Variants in PLSCR4 observed in about 807,000 individuals in gnomAD.
PLSCR4 encodes the protein Ca(2+)-dependent phospholipid scramblase 4.
In PLSCR4, 25 loss-of-function variants were observed where a neutral mutation model predicts 36.3. That is an observed-to-expected ratio of 0.69 (90% CI 0.50 to 0.96). The LOEUF is 0.96. Among genes scored for constraint, PLSCR4 ranks in the 40% least tolerant of loss-of-function variants. PLSCR4 has a pLI of 0.00. For missense variants in PLSCR4, 408 were observed against 414.7 expected (o/e 0.98, Z 0.14); for synonymous variants, 122 against 132.9 (o/e 0.92, Z 0.56).
intron 1 of PLSCR4, chr3:146,223,872 ATAT>A (rs1161505143): frequency 1.7e-5 from 1 of 59,776 alleles, no homozygotes; most frequent in Non-Finnish European, 3.5e-5. Flanking sequence ...TATTTAATAT[ATAT>A]TATATATTTT....
rs1357822960 is a variant in PLSCR4, at chr3:146,199,823, G to A, written c.614C>T (p.Ala205Val). Reference sequence around the variant, plus strand: ...CTTCCATTCTCTGACCTCTTGTCTGGCAGAGGGGCAACAGAAGCAACAGCA... The same window carrying A: ...CTTCCATTCTCTGACCTCTTGTCTGACAGAGGGGCAACAGAAGCAACAGCA... ...CTCCCFCCPS[A>V]RQELEVQCPP... The change falls in exon 6 of 9, where the codon GCC becomes GTC. Residue 205 changes from alanine to valine, a missense_variant. Ala to Val is a moderately conservative substitution (Grantham distance 64). Transcript: ENST00000354952. The A allele has an allele frequency of 6.2e-7, 1 of 1,611,828 alleles. No individual in the cohort carries two copies. Among genetic ancestry groups the A allele is most frequent in the East Asian group, 2.2e-5 (1 of 44,842 alleles).
At position 146,206,742 on chromosome 3, in the gene PLSCR4, G is replaced by C; in HGVS notation, c.138C>G (p.Val46=). 1.3e-6 allele frequency: 2 copies of C among 1,594,112 alleles called. No individual in the cohort carries two copies. Among genetic ancestry groups the C allele is most frequent in the Non-Finnish European group, 1.7e-6 (2 of 1,168,794 alleles). The stretch of plus-strand genomic sequence containing the variant: ...CTCCTGGGTAGCCAGTAGGTGGAGG[G>C]ACAGCTGTTCCAGGGGGTCCTGTGT... ...HFLPGPPGTA[V]PPPTGYPGGL... is the part of the protein sequence containing the mutation. The change falls in exon 4 of 9, where the codon GTC becomes GTG. Residue 46 remains valine (V), a synonymous_variant. Coordinates refer to ENST00000354952, the MANE Select transcript of PLSCR4 (RefSeq NM_020353.3).
At chr3:146,226,616 C>T (rs2035490077) in intron 1 of PLSCR4, among the ~76,000 whole-genome samples, 1 of 152,120 alleles carries the variant, frequency 6.6e-6, no homozygotes, top group Non-Finnish European at 1.5e-5. Context: ...GAATTCTGGA[C>T]TCCAAACCTG....
chr3:146,204,840 T>A (rs1178506893), intron 4 of PLSCR4, among the ~76,000 whole-genome samples: 1 of 152,190 alleles, frequency 6.6e-6, no homozygotes, highest in African/African-American at 2.4e-5. Context: ...AAACATTTTA[T>A]TATCTTCTGA....
intron 3 of PLSCR4, among the ~76,000 whole-genome samples, chr3:146,209,098 T>C (rs1425355124): frequency 6.6e-6 from 1 of 152,140 alleles, no homozygotes; most frequent in African/African-American, 2.4e-5. Context: ...AATGAATTAA[T>C]GGCATTCACA....
intron 1 of PLSCR4, among the ~76,000 whole-genome samples, chr3:146,237,922 A>T (rs1276328094): frequency 6.6e-6 from 1 of 151,908 alleles, no homozygotes. Context: ...CTTTGAAAAG[A>T]TCAAAACTGA....
chr3:146,222,136 T>C, intron 1 of PLSCR4, 44 bp from the exon 2 acceptor site: 1 of 699,620 alleles, frequency 1.4e-6, no homozygotes, highest in Non-Finnish European at 2.2e-6. Flanking sequence ...ACATACATAA[T>C]AAATAGTATT....
intron 3 of PLSCR4, among the ~76,000 whole-genome samples, chr3:146,219,149 G>A (rs778317440): frequency 6.6e-6 from 1 of 152,096 alleles, no homozygotes; most frequent in African/African-American, 2.4e-5. Context: ...TTAGTTGTGT[G>A]GTCTGCACTA....
chr3:146,229,282 T>G (rs1046812290), intron 1 of PLSCR4, among the ~76,000 whole-genome samples: 1 of 152,144 alleles, frequency 6.6e-6, no homozygotes, highest in Non-Finnish European at 1.5e-5. Context: ...GAAAGAATCA[T>G]GATGTGATTA....
chr3:146,206,863 A>G (rs747206633), intron 3 of PLSCR4, 102 bp from the exon 4 acceptor site: 37 of 724,066 alleles, frequency 5.1e-5, no homozygotes, highest in Non-Finnish European at 8.0e-5. Flanking sequence ...ACTTAAATAT[A>G]ACAACTTGTT....
Position 146,193,836 on chromosome 3 carries a change from T to C in PLSCR4, c.*575A>G, listed in dbSNP as rs1338277986. 1.3e-5 allele frequency: 2 copies of C among 152,356 alleles called. No homozygotes were observed. Among genetic ancestry groups the C allele is most frequent in the East Asian group, 1.9e-4 (1 of 5,192 alleles). The allele number at this position is 152,356 out of a possible 1,614,324, so 9.4% of individuals were successfully genotyped here. ...TTTTGTAATAAAATCAAATTTCCCA[T>C]TGAAACCTTCAAAAACTTTGCAGAA... On this transcript the variant is annotated 3_prime_UTR_variant, in exon 9 of 9. Transcript: ENST00000354952.
intron 8 of PLSCR4, among the ~76,000 whole-genome samples, chr3:146,194,788 C>T (rs1195936624): frequency 1.3e-5 from 2 of 152,122 alleles, no homozygotes; most frequent in East Asian, 3.9e-4. Flanking sequence ...ACTAAGAAAT[C>T]ATAGGCTAGG....
chr3:146,198,539 C>T (rs2033870384), intron 6 of PLSCR4, among the ~76,000 whole-genome samples: 1 of 151,854 alleles, frequency 6.6e-6, no homozygotes, highest in Non-Finnish European at 1.5e-5. Flanking sequence ...TAGCTGGGAC[C>T]ACAGACACAC....
chr3:146,225,532 T>G lies in PLSCR4; in HGVS notation c.-21-3440A>C, dbSNP rs996478694. ...GCCGCACAGGAGCCCATGGAGGGGGTGGGAGGCTCAGGCATGGCAGGCAGC... is the reference window on the plus strand; with the variant it reads ...GCCGCACAGGAGCCCATGGAGGGGGGGGGAGGCTCAGGCATGGCAGGCAGC... On this transcript the variant is annotated intron_variant, in intron 1 of 8. Coordinates refer to ENST00000354952, the MANE Select transcript of PLSCR4 (RefSeq NM_020353.3). 1.1e-3 allele frequency among the ~76,000 whole-genome samples: 173 copies of G among 151,770 alleles called. 1 individual carries two copies. Among genetic ancestry groups the G allele is most frequent in the African/African-American group, 4.0e-3 (167 of 41,388 alleles).
chr3:146,201,345 C>T (rs959322014), intron 4 of PLSCR4, among the ~76,000 whole-genome samples: 1 of 152,070 alleles, frequency 6.6e-6, no homozygotes, highest in Non-Finnish European at 1.5e-5. Flanking sequence ...AAAAACAAAA[C>T]ATCTACTTGC....
At chr3:146,227,873 C>T (rs925133387) in intron 1 of PLSCR4, among the ~76,000 whole-genome samples, 4 of 152,204 alleles carry the variant, frequency 2.6e-5, no homozygotes, top group African/African-American at 9.7e-5. Context: ...CATGATATCC[C>T]TTTTGTGTTT....
rs566085654 is a variant in PLSCR4, at chr3:146,214,412, C to T, written c.118+6403G>A. Among the ~76,000 whole-genome samples, 2 of 9,478 alleles carry T rather than the reference C, an allele frequency of 2.1e-4. 1 individual carries two copies. The highest frequency in any genetic ancestry group is 3.4e-3 in the East Asian group (2 of 592). 6.2% of individuals were successfully genotyped at this position (9,478 alleles called of 152,430 possible). ...TGCTGGGATTACAGGCGTGAGCCAC[C>T]GCGCCCGGCCCTCTTCCTTTTTTTT... On this transcript the variant is annotated intron_variant, in intron 3 of 8. Coordinates refer to ENST00000354952, the MANE Select transcript of PLSCR4 (RefSeq NM_020353.3).
chr3:146,231,207 TTTAAGGCTGCA>T (rs1299973854), intron 1 of PLSCR4, among the ~76,000 whole-genome samples: 1 of 152,224 alleles, frequency 6.6e-6, no homozygotes, highest in African/African-American at 2.4e-5. Context: ...TCCCTTCTTT[TTTAAGGCTGCA>T]TAGTATTCCA....
intron 1 of PLSCR4, chr3:146,250,499 C>T (rs915523897): frequency 4.6e-5 from 7 of 152,280 alleles, no homozygotes; most frequent in African/African-American, 1.7e-4. Context: ...GGGATTCTCT[C>T]CTGTCACCGC....
Sources: allele counts gnomAD v4.1 joint callset (sites outside exome capture counted in the v4.1 genomes callset), GRCh38; gene constraint gnomAD v4.1.1; transcripts MANE v1.5; gene names NCBI Gene and HGNC (gene_info 2026-07-23, HGNC 2026-07-21).